Variants in REPS2 observed in about 807,000 individuals in gnomAD.
REPS2 encodes the protein RALBP1 associated Eps domain containing 2, also known as ralBP1-associated Eps domain-containing protein 2.
A neutral mutation model predicts 53.6 loss-of-function variants in REPS2; 23 were observed. That is an observed-to-expected ratio of 0.43 (90% CI 0.31 to 0.61). The LOEUF is 0.61. Ranked by LOEUF, REPS2 falls within the 20% of genes least tolerant of loss-of-function variation. The pLI, the probability that REPS2 is intolerant of heterozygous loss-of-function variation, is 0.11. For missense variants in REPS2, 446 were observed against 534.9 expected (o/e 0.83, Z 1.64); for synonymous variants, 238 against 218.6 (o/e 1.09, Z -0.78).
intron 13 of REPS2, among the ~76,000 whole-genome samples, chrX:17,085,958 C>A (rs1025986568): frequency 1.8e-5 from 2 of 111,890 alleles, no homozygotes; most frequent in Non-Finnish European, 3.8e-5. Flanking sequence ...TGAATTGTCT[C>A]AAGTTTGTCT....
At chrX:17,088,657 C>T (rs775732543) in intron 13 of REPS2, among the ~76,000 whole-genome samples, 77 of 103,937 alleles carry the variant, frequency 7.4e-4, no homozygotes, top group Non-Finnish European at 1.1e-3. Flanking sequence ...GGCGTGGTCT[C>T]GGCTCACTGC....
intron 6 of REPS2, among the ~76,000 whole-genome samples, chrX:17,050,195 T>TTTTC (rs2061976476): frequency 5.4e-5 from 3 of 55,181 alleles, no homozygotes; most frequent in East Asian, 1.2e-3. Flanking sequence ...TCTTTCTTTC[T>TTTTC]TTTTTTTTTT....
rs754573799 is a variant in REPS2 at position 17,135,247 on chromosome X, T to C, written c.1663-14T>C. ...GTTTAACTTTTTAATTTTTATTTTG[T>C]TTTAAATCCACAGGATGTACTGTAT... On this transcript the variant is annotated splice_polypyrimidine_tract_variant and intron_variant, in intron 15 of 17. Coordinates refer to ENST00000357277, the MANE Select transcript of REPS2 (RefSeq NM_004726.3). 6 of 1,193,196 alleles carry C rather than the reference T, an allele frequency of 5.0e-6. No homozygotes were observed. The highest frequency in any genetic ancestry group is 6.7e-6 in the Non-Finnish European group (6 of 889,347).
chrX:17,015,821 T>C (rs1220293577), intron 2 of REPS2, among the ~76,000 whole-genome samples: 1 of 112,098 alleles, frequency 8.9e-6, no homozygotes, highest in East Asian at 2.8e-4. Context: ...TTGTGGGACA[T>C]TTGGGTTGGT....
chrX:17,175,329 G>A, the REPS2 span, among the ~76,000 whole-genome samples: 1 of 112,422 alleles, frequency 8.9e-6, no homozygotes, highest in Non-Finnish European at 1.9e-5. Context: ...CTGAGTGATA[G>A]AACCACAAGA....
chrX:17,026,282 T>G (rs2061644309), intron 4 of REPS2, among the ~76,000 whole-genome samples: 1 of 111,273 alleles, frequency 9.0e-6, no homozygotes, highest in African/African-American at 3.3e-5. Flanking sequence ...AAAATCTGTT[T>G]GGAAATTAAG....
chrX:17,095,584 G>T (rs907562242), intron 13 of REPS2, among the ~76,000 whole-genome samples: 3 of 107,015 alleles, frequency 2.8e-5, no homozygotes, highest in Non-Finnish European at 5.8e-5. Flanking sequence ...ATAGTTTAAA[G>T]AACTATTTGT....
At position 17,014,252 on chromosome X, in the gene REPS2, A is replaced by T. The variant is rs2061462318; in HGVS notation, c.398-7871A>T. On this transcript the variant is annotated intron_variant, in intron 2 of 17. Transcript: ENST00000357277. ...TGGGGAAATTGAAGGCCAAAGAGGTAAAATAAAAGGGATGCTGCTTGCTAG... is the reference window on the plus strand; with the variant it reads ...TGGGGAAATTGAAGGCCAAAGAGGTTAAATAAAAGGGATGCTGCTTGCTAG... Among the ~76,000 whole-genome samples, 3 of 111,415 alleles carry T rather than the reference A, an allele frequency of 2.7e-5. No homozygotes were observed. In the Admixed American group the frequency reaches 2.9e-4, roughly 11 times the overall value.
At chrX:17,111,293 C>T (rs1246095896) in intron 14 of REPS2, among the ~76,000 whole-genome samples, 1 of 111,596 alleles carries the variant, frequency 9.0e-6, no homozygotes, top group Non-Finnish European at 1.9e-5. Flanking sequence ...CATTGAATCA[C>T]CTTAAGATAC....
At chrX:17,015,666 G>T (rs1350695895) in intron 2 of REPS2, among the ~76,000 whole-genome samples, 2 of 110,163 alleles carry the variant, frequency 1.8e-5, no homozygotes, top group Non-Finnish European at 3.8e-5. Flanking sequence ...GCGGTGTTTG[G>T]TTTTTTGTCC....
chrX:17,047,394 C>A lies in REPS2; in HGVS notation c.819C>A (p.Asp273Glu), dbSNP rs2061922698. Residue 273 changes from aspartate (D) to glutamate (E), a missense_variant, in exon 6 of 18, where the codon GAC (aspartate) becomes GAA (glutamate). Transcript: ENST00000357277. ...RELQDNSSYP[D>E]EPWRITEEQR... Reference sequence around the variant, plus strand: ...TACAGGATAACAGCAGTTACCCCGACGAACCCTGGAGGATAACAGAAGAAC... The same window carrying A: ...TACAGGATAACAGCAGTTACCCCGAAGAACCCTGGAGGATAACAGAAGAAC... The A allele has an allele frequency of 1.7e-6, 2 of 1,210,478 alleles. No individual in the cohort carries two copies. Among genetic ancestry groups the A allele is most frequent in the Non-Finnish European group, 2.2e-6 (2 of 894,416 alleles).
intron 1 of REPS2, among the ~76,000 whole-genome samples, chrX:17,004,538 C>A (rs767786642): frequency 9.2e-6 from 1 of 108,702 alleles, no homozygotes; most frequent in Admixed American, 1.0e-4. Flanking sequence ...GTTTGGTGTA[C>A]AAAGAGCAAG....
At chrX:16,969,079 T>A (rs755274761) in intron 1 of REPS2, among the ~76,000 whole-genome samples, 110 of 108,384 alleles carry the variant, frequency 1.0e-3, no homozygotes, top group Middle Eastern at 0.01. Flanking sequence ...GCTCCTCACA[T>A]CCCGGATGGG....
the REPS2 span, among the ~76,000 whole-genome samples, chrX:17,159,397 G>C: frequency 3.8e-4 from 42 of 111,472 alleles, no homozygotes; most frequent in African/African-American, 1.4e-3. Context: ...GAGGCAATGG[G>C]GTGAGGTTGG....
chrX:17,135,505 G>T, intron 16 of REPS2, 99 bp downstream of exon 16: 1 of 952,584 alleles, frequency 1.0e-6, no homozygotes, highest in Non-Finnish European at 1.4e-6. Context: ...CCAACAGAAG[G>T]ATTTCATGGT....
intron 15 of REPS2, among the ~76,000 whole-genome samples, chrX:17,135,010 G>A (rs1011252473): frequency 3.6e-5 from 4 of 110,209 alleles, no homozygotes; most frequent in African/African-American, 6.6e-5. Flanking sequence ...ATGCACACAG[G>A]GTCTGTGTGA....
At chrX:16,992,318 G>C (rs777511914) in intron 1 of REPS2, among the ~76,000 whole-genome samples, 2 of 111,553 alleles carry the variant, frequency 1.8e-5, no homozygotes, top group African/African-American at 6.5e-5. Context: ...CTGGCACCTT[G>C]ATCTTAGACT....
In REPS2 at chrX:16,947,051, G is replaced by A; in HGVS notation, c.190G>A (p.Ala64Thr). The change falls in exon 1 of 18, where the codon GCC becomes ACC. Residue 64 changes from alanine (A) to threonine (T), a missense_variant. Transcript: ENST00000357277. ...GSGPPEAARVAPGTATAAAGP... is the reference protein window; with the variant it reads ...GSGPPEAARVTPGTATAAAGP... ...TGGGCCCCCCGAGGCCGCCAGAGTC[G>A]CCCCCGGCACGGCCACTGCGGCCGC... 2.9e-6 allele frequency: 3 copies of A among 1,021,481 alleles called. No individual in the cohort carries two copies. The highest frequency in any genetic ancestry group is 3.7e-6 in the Non-Finnish European group (3 of 804,820). The allele number at this position is 1,021,481 out of a possible 1,213,427, so 84.2% of individuals were successfully genotyped here. A position where few individuals can be genotyped will look rare whatever the true frequency, so the allele number is the denominator to read the frequency against.
At chrX:16,949,499 C>T (rs2060480592) in intron 1 of REPS2, among the ~76,000 whole-genome samples, 1 of 112,254 alleles carries the variant, frequency 8.9e-6, no homozygotes, top group Non-Finnish European at 1.9e-5. Context: ...CCTCTGCCTC[C>T]CGGGTTCAAG....
Sources: allele counts gnomAD v4.1 joint callset (sites outside exome capture counted in the v4.1 genomes callset), GRCh38; gene constraint gnomAD v4.1.1; transcripts MANE v1.5; gene names NCBI Gene and HGNC (gene_info 2026-07-23, HGNC 2026-07-21).